Variants in PADI4 observed in about 807,000 individuals in gnomAD.
The protein encoded by PADI4 is peptidyl arginine deiminase 4, also known as protein-arginine deiminase type-4.
In PADI4, 62 loss-of-function variants were observed where a neutral mutation model predicts 75.0. The ratio of observed to expected loss-of-function variants is 0.83; its 90% confidence interval spans 0.67 to 1.02. The LOEUF (loss-of-function observed/expected upper bound fraction) is 1.02. PADI4 is among the 50% of genes least tolerant of loss of function. The pLI is 0.00. For synonymous variants in PADI4, 361 were observed against 348.1 expected (o/e 1.04, Z -0.41); for missense variants, 845 against 850.5 (o/e 0.99, Z 0.08).
intron 8 of PADI4, among the ~76,000 whole-genome samples, chr1:17,343,816 T>G (rs2074466359): frequency 6.6e-6 from 1 of 152,062 alleles, no homozygotes; most frequent in African/African-American, 2.4e-5. Context: ...CATGTGGGAG[T>G]GTAAGTCCAA....
intron 1 of PADI4, among the ~76,000 whole-genome samples, chr1:17,329,469 G>A (rs886114417): frequency 2.0e-5 from 3 of 151,994 alleles, no homozygotes; most frequent in African/African-American, 7.3e-5. Context: ...TATATACTGT[G>A]GTCTTACAAC....
intron 2 of PADI4, among the ~76,000 whole-genome samples, chr1:17,332,515 G>A (rs2074232784): frequency 6.6e-6 from 1 of 152,196 alleles, no homozygotes; most frequent in Admixed American, 6.5e-5. Context: ...CTCCCAAAGT[G>A]CTGGGATTAC....
At chr1:17,325,748 A>G (rs1210162742) in intron 1 of PADI4, among the ~76,000 whole-genome samples, 1 of 150,278 alleles carries the variant, frequency 6.7e-6, no homozygotes, top group Non-Finnish European at 1.5e-5. Flanking sequence ...TCACTCTGTT[A>G]CCCAGGCTGG....
Position 17,363,671 on chromosome 1 carries a change from C to T in PADI4, c.1908C>T (p.Tyr636=). ...CCTTCATCAACGACTTCTTCACCTA[C>T]CACATCAGGCATGGGGAGGTGCACT... The part of the protein sequence containing the change: ...QCTFINDFFT[Y]HIRHGEVHCG... Residue 636 remains tyrosine, a synonymous_variant, in exon 16 of 16, where the codon TAC becomes TAT. Transcript: ENST00000375448. 1 of 1,614,188 alleles carries T rather than the reference C, an allele frequency of 6.2e-7. No individual in the cohort carries two copies. Among genetic ancestry groups the T allele is most frequent in the South Asian group, 1.1e-5 (1 of 91,088 alleles).
intron 4 of PADI4, among the ~76,000 whole-genome samples, chr1:17,337,338 G>T (rs2074331858): frequency 6.6e-6 from 1 of 152,126 alleles, no homozygotes; most frequent in South Asian, 2.1e-4. Context: ...TAGAGACAGC[G>T]TTTCGCCATG....
At chr1:17,343,201 T>A (rs891547345) in intron 8 of PADI4, among the ~76,000 whole-genome samples, 1 of 152,002 alleles carries the variant, frequency 6.6e-6, no homozygotes, top group Non-Finnish European at 1.5e-5. Context: ...AAATTAAAAA[T>A]AATAAAAATT....
chr1:17,333,869 G>A (rs546477278), intron 2 of PADI4, 74 bp from the exon 3 acceptor site: 26 of 1,160,764 alleles, frequency 2.2e-5, no homozygotes, highest in Admixed American at 3.4e-5. Flanking sequence ...ACCCTGAGCC[G>A]GCACATAGGA....
intron 8 of PADI4, among the ~76,000 whole-genome samples, chr1:17,344,374 C>A (rs902673736): frequency 6.6e-6 from 1 of 152,116 alleles, no homozygotes; most frequent in African/African-American, 2.4e-5. Context: ...ACAATGCAAT[C>A]GAAAAGAAAA....
At chr1:17,310,552 G>A (rs2073804415) in intron 1 of PADI4, among the ~76,000 whole-genome samples, 1 of 152,150 alleles carries the variant, frequency 6.6e-6, no homozygotes, top group South Asian at 2.1e-4. Context: ...AGGAACCCGG[G>A]AGGCAGAGGT....
chr1:17,325,678 A>T (rs2074106247), intron 1 of PADI4, among the ~76,000 whole-genome samples: 1 of 150,598 alleles, frequency 6.6e-6, no homozygotes, highest in African/African-American at 2.4e-5. Context: ...ACACAATGTT[A>T]AAAAGATGTG....
At chr1:17,352,876 G>A (rs762876666) in intron 10 of PADI4, among the ~76,000 whole-genome samples, 11 of 152,318 alleles carry the variant, frequency 7.2e-5, no homozygotes, top group Non-Finnish European at 1.3e-4. Context: ...TTGTCGGCTC[G>A]GGAACGGAAT....
At chr1:17,326,645 A>T (rs2074120954) in intron 1 of PADI4, among the ~76,000 whole-genome samples, 1 of 152,180 alleles carries the variant, frequency 6.6e-6, no homozygotes. Context: ...TTACATAGTC[A>T]CTTTTTTAAA....
In PADI4 at chr1:17,362,899, T is replaced by C. The variant is rs1159521800; in HGVS notation, c.1759-623T>C. Among the ~76,000 whole-genome samples, 6 of 152,176 alleles carry C rather than the reference T, an allele frequency of 3.9e-5. No homozygotes were observed. In the East Asian group the frequency reaches 1.2e-3, roughly 29 times the overall value. On this transcript the variant is annotated intron_variant, in intron 15 of 15. Coordinates refer to ENST00000375448, the MANE Select transcript of PADI4 (RefSeq NM_012387.3). ...TGGAGTGTATTGGAATGATCTCGGCTCACTGAAACCTCCACTTCCTGGGTT... is the reference window on the plus strand; with the variant it reads ...TGGAGTGTATTGGAATGATCTCGGCCCACTGAAACCTCCACTTCCTGGGTT...
intron 15 of PADI4, 28 bp downstream of exon 15, chr1:17,359,436 A>G (rs776232692): frequency 4.3e-6 from 7 of 1,613,306 alleles, no homozygotes; most frequent in Non-Finnish European, 5.9e-6. Flanking sequence ...TTAAAACCCC[A>G]GGGTGTGGCA....
intron 8 of PADI4, among the ~76,000 whole-genome samples, chr1:17,342,872 G>A (rs1352576446): frequency 6.6e-6 from 1 of 152,180 alleles, no homozygotes; most frequent in South Asian, 2.1e-4. Context: ...CTACTCAGGA[G>A]GCCGAGGCAC....
intron 6 of PADI4, among the ~76,000 whole-genome samples, chr1:17,340,052 G>GCACA (rs937935130): frequency 5.1e-5 from 5 of 98,370 alleles, no homozygotes; most frequent in African/African-American, 1.1e-4. Flanking sequence ...ACACGCGCGC[G>GCACA]CACACACACA....
intron 15 of PADI4, among the ~76,000 whole-genome samples, chr1:17,362,741 T>G (rs886623481): frequency 6.6e-6 from 1 of 152,216 alleles, no homozygotes; most frequent in Admixed American, 6.5e-5. Context: ...ATAGCTGTAG[T>G]CCAAGTATAG....
At chr1:17,324,572 T>G (rs2074089060) in intron 1 of PADI4, among the ~76,000 whole-genome samples, 1 of 152,236 alleles carries the variant, frequency 6.6e-6, no homozygotes, top group Non-Finnish European at 1.5e-5. Flanking sequence ...GCTCAAGTGA[T>G]CTTCCCACCT....
chr1:17,328,583 G>C (rs1442268475), intron 1 of PADI4, among the ~76,000 whole-genome samples: 1 of 151,960 alleles, frequency 6.6e-6, no homozygotes, highest in Admixed American at 6.5e-5. Flanking sequence ...GGAGGTCAAG[G>C]CTGCAGTGAA....
Sources: gnomAD v4.1 joint callset for allele counts (sites outside exome capture counted in the v4.1 genomes callset) on GRCh38, gnomAD v4.1.1 for gene constraint, MANE v1.5 for transcripts, NCBI Gene and HGNC (gene_info 2026-07-23, HGNC 2026-07-21) for gene names.